GRM7: variants seen among roughly 807,000 people sequenced by gnomAD.
GRM7 encodes the protein glutamate metabotropic receptor 7.
In GRM7, 35 loss-of-function variants were observed where a neutral mutation model predicts 84.5. That is an observed-to-expected ratio of 0.41 (90% confidence interval 0.32 to 0.55). GRM7 has a LOEUF of 0.55. Among genes scored for constraint, GRM7 ranks in the 20% least tolerant of loss-of-function variants. The pLI is 0.19. For synonymous variants in GRM7, 487 were observed against 455.1 expected (o/e 1.07, Z -0.89); for missense variants, 1,003 against 1,194.6 (o/e 0.84, Z 2.36).
At chr3:7,611,516 G>C (rs1254761587) in intron 8 of GRM7, among the ~76,000 whole-genome samples, 3 of 152,142 alleles carry the variant, frequency 2.0e-5, no homozygotes. Flanking sequence ...AGAAGGTATA[G>C]AAGACAGAGG....
chr3:7,673,969 T>C (rs1261072300), intron 8 of GRM7, among the ~76,000 whole-genome samples: 1 of 152,092 alleles, frequency 6.6e-6, no homozygotes, highest in African/African-American at 2.4e-5. Context: ...TTAAGTACTG[T>C]ATGAGCCATA....
intron 8 of GRM7, among the ~76,000 whole-genome samples, chr3:7,645,786 G>C (rs542797195): frequency 2.0e-5 from 3 of 152,176 alleles, no homozygotes; most frequent in Admixed American, 6.5e-5. Context: ...ATCAGCCTTT[G>C]CATTTAGCCC....
At chr3:7,492,501 G>A (rs1043255754) in intron 7 of GRM7, among the ~76,000 whole-genome samples, 26 of 151,960 alleles carry the variant, frequency 1.7e-4, no homozygotes, top group Admixed American at 3.9e-4. Flanking sequence ...TGAAGCTGTT[G>A]GTTGGTTGTT....
At chr3:7,391,141 G>C (rs973311954) in intron 4 of GRM7, among the ~76,000 whole-genome samples, 1 of 151,954 alleles carries the variant, frequency 6.6e-6, no homozygotes, top group Non-Finnish European at 1.5e-5. Context: ...ACTCTGTACA[G>C]GTTCCTTGGT....
At chr3:7,142,403 ATGG>A in intron 1 of GRM7, among the ~76,000 whole-genome samples, 1 of 152,084 alleles carries the variant, frequency 6.6e-6, no homozygotes, top group East Asian at 1.9e-4. Flanking sequence ...ACTTACAATC[ATGG>A]TGGAAGGCGA....
intron 1 of GRM7, among the ~76,000 whole-genome samples, chr3:6,947,431 G>T (rs1459584959): frequency 6.6e-6 from 1 of 152,130 alleles, no homozygotes; most frequent in Non-Finnish European, 1.5e-5. Context: ...TAAGCTTTTT[G>T]ATGTGCTGCT....
intron 1 of GRM7, among the ~76,000 whole-genome samples, chr3:6,961,339 C>T (rs1192318516): frequency 6.6e-6 from 1 of 152,172 alleles, no homozygotes. Flanking sequence ...TGCTACTCTT[C>T]TTGTCATAAT....
At chr3:7,642,862 T>C (rs1455023297) in intron 8 of GRM7, among the ~76,000 whole-genome samples, 1 of 152,084 alleles carries the variant, frequency 6.6e-6, no homozygotes, top group Non-Finnish European at 1.5e-5. Flanking sequence ...GAGCACATGG[T>C]ATGCACTCAT....
chr3:7,039,886 T>C (rs571951728), intron 1 of GRM7, among the ~76,000 whole-genome samples: 10 of 152,310 alleles, frequency 6.6e-5, no homozygotes, highest in South Asian at 2.1e-4. Context: ...GGAGCAAGTA[T>C]CTAATTTCCT....
At chr3:7,454,884 A>C (rs1037970140) in intron 6 of GRM7, among the ~76,000 whole-genome samples, 6 of 152,152 alleles carry the variant, frequency 3.9e-5, no homozygotes, top group African/African-American at 1.4e-4. Context: ...GCAATGGTAC[A>C]CTGGTAAAAA....
chr3:7,180,836 C>T (rs1695313405), intron 2 of GRM7, among the ~76,000 whole-genome samples: 1 of 152,132 alleles, frequency 6.6e-6, no homozygotes, highest in South Asian at 2.1e-4. Context: ...TTTGTTCCTA[C>T]TTTTTATTTC....
chr3:7,265,458 T>C (rs1459697758), intron 2 of GRM7, among the ~76,000 whole-genome samples: 1 of 152,212 alleles, frequency 6.6e-6, no homozygotes. Flanking sequence ...TAACTTTGTT[T>C]TCCTGTCATA....
chr3:7,033,082 G>A (rs1404421579), intron 1 of GRM7, among the ~76,000 whole-genome samples: 3 of 152,074 alleles, frequency 2.0e-5, no homozygotes, highest in Non-Finnish European at 4.4e-5. Flanking sequence ...CCTCTCCTTG[G>A]CTTCTGGAGG....
In GRM7 at chr3:7,162,729, A is replaced by ATTTTTTTTTTTTTTTTTTTTTTTTTTTTT. The variant is rs71063284; in HGVS notation, c.736+16081_736+16109dup. On this transcript the variant is annotated intron_variant, in intron 2 of 9. Coordinates refer to ENST00000357716, the MANE Select transcript of GRM7 (RefSeq NM_000844.4). ...CAATCTCCCATTACTCCCATTTTTC[A>ATTTTTTTTTTTTTTTTTTTTTTTTTTTTT]TTTTTTTTTTTTTTTTTTTTTTTTT... is the stretch of plus-strand genomic sequence containing the variant. 5.5e-5 allele frequency among the ~76,000 whole-genome samples: 3 copies of ATTTTTTTTTTTTTTTTTTTTTTTTTTTTT among 54,716 alleles called. 1 individual carries two copies. The highest frequency in any genetic ancestry group is 1.2e-4 in the Non-Finnish European group (3 of 25,686). 35.9% of individuals were successfully genotyped at this position (54,716 alleles called of 152,430 possible).
intron 7 of GRM7, among the ~76,000 whole-genome samples, chr3:7,562,315 C>A (rs1049265132): frequency 6.6e-6 from 1 of 151,592 alleles, no homozygotes; most frequent in South Asian, 2.1e-4. Context: ...AAAGCTAAAA[C>A]CCAAGTGAAG....
At chr3:7,020,157 T>G (rs1282812544) in intron 1 of GRM7, among the ~76,000 whole-genome samples, 1 of 152,184 alleles carries the variant, frequency 6.6e-6, no homozygotes, top group Non-Finnish European at 1.5e-5. Flanking sequence ...AAGATAGATT[T>G]TTCTCTAAAA....
At chr3:7,111,840 C>G (rs1401493345) in intron 1 of GRM7, among the ~76,000 whole-genome samples, 1 of 152,072 alleles carries the variant, frequency 6.6e-6, no homozygotes, top group Non-Finnish European at 1.5e-5. Flanking sequence ...TTCTTTTTCT[C>G]CAAAGTGAAC....
intron 1 of GRM7, among the ~76,000 whole-genome samples, chr3:7,115,883 T>G (rs1407497869): frequency 6.6e-6 from 1 of 152,106 alleles, no homozygotes; most frequent in African/African-American, 2.4e-5. Context: ...GTTTCACAAA[T>G]CAACAACCTG....
intron 1 of GRM7, among the ~76,000 whole-genome samples, chr3:6,919,978 G>A (rs1467120172): frequency 6.6e-6 from 1 of 152,072 alleles, no homozygotes; most frequent in Non-Finnish European, 1.5e-5. Flanking sequence ...TTAAGCAAAT[G>A]TTTGCCATAC....
Sources: gnomAD v4.1 joint callset for allele counts (sites outside exome capture counted in the v4.1 genomes callset) on GRCh38, gnomAD v4.1.1 for gene constraint, MANE v1.5 for transcripts, NCBI Gene and HGNC (gene_info 2026-07-23, HGNC 2026-07-21) for gene names.